NKAIN2: variants seen among roughly 807,000 people sequenced by gnomAD.
The protein encoded by NKAIN2 is sodium/potassium transporting ATPase interacting 2.
In NKAIN2, 14 loss-of-function variants were observed where a neutral mutation model predicts 32.6. The observed-to-expected ratio is 0.43, with a 90% CI of 0.28 to 0.67. The LOEUF is 0.67. NKAIN2 is among the 30% of genes least tolerant of loss of function. The probability of loss-of-function intolerance (pLI) is 0.17; values close to 1 mark genes in which losing one functional copy is unlikely to be tolerated. For synonymous variants in NKAIN2, 80 were observed against 87.2 expected, an observed-to-expected ratio of 0.92 and a Z score of 0.46; for missense variants, 198 against 258.3, an observed-to-expected ratio of 0.77 and a Z score of 1.60.
intron 1 of NKAIN2, among the ~76,000 whole-genome samples, chr6:124,033,332 A>C (rs1781482555): frequency 6.6e-6 from 1 of 152,098 alleles, no homozygotes; most frequent in African/African-American, 2.4e-5. Flanking sequence ...TCGGTTAGAA[A>C]ATATCTCAGT....
chr6:124,111,468 T>C (rs186578369), intron 1 of NKAIN2, among the ~76,000 whole-genome samples: 20 of 152,192 alleles, frequency 1.3e-4, no homozygotes, highest in Admixed American at 7.9e-4. Flanking sequence ...TTTTTCTTTG[T>C]CTCTGAAATA....
intron 1 of NKAIN2, among the ~76,000 whole-genome samples, chr6:124,004,074 A>T (rs766170142): frequency 6.6e-6 from 1 of 152,226 alleles, no homozygotes; most frequent in Non-Finnish European, 1.5e-5. Flanking sequence ...AAGTAATAGC[A>T]TGTGCTAATT....
intron 3 of NKAIN2, among the ~76,000 whole-genome samples, chr6:124,550,979 G>A (rs569813604): frequency 6.6e-6 from 1 of 152,128 alleles, no homozygotes; most frequent in Non-Finnish European, 1.5e-5. Flanking sequence ...CCTAATAGTA[G>A]AATTGCAAGG....
intron 1 of NKAIN2, among the ~76,000 whole-genome samples, chr6:123,901,578 A>T (rs547262363): frequency 2.0e-5 from 3 of 152,166 alleles, no homozygotes; most frequent in African/African-American, 7.2e-5. Context: ...ATGTTTCCTT[A>T]TGGGTCAGAA....
intron 1 of NKAIN2, among the ~76,000 whole-genome samples, chr6:124,262,004 A>C (rs1453114634): frequency 6.6e-6 from 1 of 152,080 alleles, no homozygotes; most frequent in African/African-American, 2.4e-5. Flanking sequence ...ATGTATCAAA[A>C]TTAACTGAAA....
At chr6:123,992,122 T>C (rs1208414020) in intron 1 of NKAIN2, among the ~76,000 whole-genome samples, 1 of 152,110 alleles carries the variant, frequency 6.6e-6, no homozygotes, top group Non-Finnish European at 1.5e-5. Flanking sequence ...GTGGAGGCTG[T>C]AGAGGCATGG....
intron 5 of NKAIN2, among the ~76,000 whole-genome samples, chr6:124,796,124 A>G (rs915705190): frequency 2.0e-5 from 3 of 152,030 alleles, no homozygotes; most frequent in African/African-American, 7.2e-5. Flanking sequence ...AGAGATCCCA[A>G]ATTAGATGTG....
chr6:124,653,392 G>A (rs1245305058), intron 3 of NKAIN2, among the ~76,000 whole-genome samples: 1 of 144,738 alleles, frequency 6.9e-6, no homozygotes, highest in African/African-American at 2.5e-5. Flanking sequence ...CAATGCAAAG[G>A]GGAAGACAGT....
intron 3 of NKAIN2, among the ~76,000 whole-genome samples, chr6:124,587,611 A>G (rs781069): frequency 0.17 from 26,594 of 152,164 alleles, 2,417 homozygotes; most frequent in Middle Eastern, 0.26. Context: ...GTGCCCAACA[A>G]GAGCTGGCCC....
chr6:123,883,466 T>TTGC (rs1221181725), intron 1 of NKAIN2, among the ~76,000 whole-genome samples: 2 of 19,778 alleles, frequency 1.0e-4, no homozygotes, highest in African/African-American at 3.7e-3. Context: ...TTGTGAGATC[T>TTGC]TGTTTTTTAA....
intron 1 of NKAIN2, among the ~76,000 whole-genome samples, chr6:123,866,920 C>G (rs968246323): frequency 6.6e-6 from 1 of 152,046 alleles, no homozygotes; most frequent in Non-Finnish European, 1.5e-5. Flanking sequence ...TTTATACAGT[C>G]TCCCTTCCCT....
intron 5 of NKAIN2, among the ~76,000 whole-genome samples, chr6:124,794,602 AC>A (rs981618128): frequency 1.3e-5 from 2 of 152,010 alleles, no homozygotes; most frequent in Admixed American, 6.6e-5. Flanking sequence ...CAAAATATGA[AC>A]CCTTCTAAAT....
chr6:124,324,784 T>C (rs1797346551), intron 2 of NKAIN2, among the ~76,000 whole-genome samples: 1 of 152,062 alleles, frequency 6.6e-6, no homozygotes, highest in African/African-American at 2.4e-5. Flanking sequence ...CATGAATTAG[T>C]GCTGAATTTT....
At chr6:123,842,537 G>A (rs1375809197) in intron 1 of NKAIN2, among the ~76,000 whole-genome samples, 1 of 152,086 alleles carries the variant, frequency 6.6e-6, no homozygotes, top group Non-Finnish European at 1.5e-5. Flanking sequence ...GAATCTTGAG[G>A]AGACACAACC....
At chr6:124,569,810 T>C (rs1781058736) in intron 3 of NKAIN2, among the ~76,000 whole-genome samples, 1 of 152,080 alleles carries the variant, frequency 6.6e-6, no homozygotes. Flanking sequence ...AGGGTGTTGC[T>C]GAAAAGATAA....
At chr6:124,579,479 A>G (rs1185377736) in intron 3 of NKAIN2, among the ~76,000 whole-genome samples, 1 of 152,246 alleles carries the variant, frequency 6.6e-6, no homozygotes, top group Non-Finnish European at 1.5e-5. Flanking sequence ...AGAGTCTCTT[A>G]AGAGCAGAAT....
At chr6:123,950,034 C>T (rs547379949) in intron 1 of NKAIN2, among the ~76,000 whole-genome samples, 8 of 152,020 alleles carry the variant, frequency 5.3e-5, no homozygotes, top group Admixed American at 2.0e-4. Context: ...AATTTTTTTG[C>T]ATCTATTGAG....
At chr6:124,230,533 C>T (rs189454230) in intron 1 of NKAIN2, among the ~76,000 whole-genome samples, 285 of 152,178 alleles carry the variant, frequency 1.9e-3, no homozygotes, top group Non-Finnish European at 3.2e-3. Context: ...TGCCATCAGC[C>T]CAGAGGTTTA....
chr6:124,373,006 T>A (rs529597426), intron 3 of NKAIN2, among the ~76,000 whole-genome samples: 2 of 152,312 alleles, frequency 1.3e-5, no homozygotes, highest in South Asian at 4.1e-4. Flanking sequence ...TAAATATCAC[T>A]ATGACTGTTG....
Sources: gnomAD v4.1 joint callset for allele counts (sites outside exome capture counted in the v4.1 genomes callset) on GRCh38, gnomAD v4.1.1 for gene constraint, MANE v1.5 for transcripts, NCBI Gene and HGNC (gene_info 2026-07-23, HGNC 2026-07-21) for gene names.